SUMF1: variants seen among roughly 807,000 people sequenced by gnomAD.
SUMF1 encodes the protein formylglycine-generating enzyme.
A neutral mutation model predicts 47.6 loss-of-function variants in SUMF1; 48 were observed. The ratio of observed to expected loss-of-function variants is 1.01; its 90% CI spans 0.80 to 1.28. The LOEUF (loss-of-function observed/expected upper bound fraction) is 1.28, where lower values mean the gene tolerates loss of function less well. Among genes scored for constraint, SUMF1 ranks in the 50% most tolerant of loss-of-function variants. The probability of loss-of-function intolerance (pLI) is 0.00; values close to 1 mark genes in which losing one functional copy is unlikely to be tolerated. For missense variants in SUMF1, 571 were observed against 485.4 expected, an observed-to-expected ratio of 1.18 and a Z score of -1.66; for synonymous variants, 230 against 192.1, an observed-to-expected ratio of 1.20 and a Z score of -1.63.
At chr3:4,169,679 G>A (rs778735974) in intron 8 of SUMF1, among the ~76,000 whole-genome samples, 10 of 152,112 alleles carry the variant, frequency 6.6e-5, no homozygotes, top group Non-Finnish European at 1.0e-4. Flanking sequence ...CCAATACCCC[G>A]TTTGGGGCTG....
intron 8 of SUMF1, among the ~76,000 whole-genome samples, chr3:4,221,573 C>T (rs1283707944): frequency 6.6e-6 from 1 of 152,066 alleles, no homozygotes; most frequent in Non-Finnish European, 1.5e-5. Flanking sequence ...TTATCATCAT[C>T]TAATTCAAGA....
intron 7 of SUMF1, among the ~76,000 whole-genome samples, chr3:4,393,995 A>T (rs530513362): frequency 2.0e-5 from 3 of 152,322 alleles, no homozygotes; most frequent in Admixed American, 1.3e-4. Context: ...CAACAAGCCA[A>T]TTACAGAAAA....
chr3:4,134,334 A>G (rs556994546), intron 8 of SUMF1, among the ~76,000 whole-genome samples: 1 of 152,286 alleles, frequency 6.6e-6, no homozygotes, highest in South Asian at 2.1e-4. Context: ...CCACTCAACT[A>G]CATGGAAAAC....
At chr3:4,386,189 A>G (rs1700668265) in intron 7 of SUMF1, among the ~76,000 whole-genome samples, 1 of 152,176 alleles carries the variant, frequency 6.6e-6, no homozygotes, top group Non-Finnish European at 1.5e-5. Context: ...TTTGATAGGA[A>G]TTACATTAAA....
chr3:4,105,777 A>G (rs182791749), intron 8 of SUMF1, among the ~76,000 whole-genome samples: 47 of 152,230 alleles, frequency 3.1e-4, no homozygotes, highest in Admixed American at 2.7e-3. Context: ...AGAGAAATCT[A>G]TATCATAAAT....
intron 8 of SUMF1, among the ~76,000 whole-genome samples, chr3:4,275,484 GA>G (rs773013274): frequency 5.5e-4 from 83 of 152,212 alleles, no homozygotes; most frequent in Non-Finnish European, 7.9e-4. Context: ...ATAAGACCAA[GA>G]AAACCTTTCC....
At chr3:4,282,646 A>T (rs947167251) in intron 8 of SUMF1, among the ~76,000 whole-genome samples, 1 of 152,238 alleles carries the variant, frequency 6.6e-6, no homozygotes, top group Non-Finnish European at 1.5e-5. Context: ...GCAAGAGTGG[A>T]AAGTGGGAGA....
intron 9 of SUMF1, among the ~76,000 whole-genome samples, chr3:4,035,139 G>A (rs568211748): frequency 1.3e-5 from 2 of 152,262 alleles, no homozygotes; most frequent in East Asian, 3.9e-4. Context: ...AATGGTATGA[G>A]TTAGTCTATG....
At chr3:4,072,410 CA>C (rs970892434) in intron 8 of SUMF1, among the ~76,000 whole-genome samples, 3 of 152,018 alleles carry the variant, frequency 2.0e-5, no homozygotes, top group African/African-American at 7.3e-5. Context: ...TTCCAAAAAC[CA>C]AAACGCCCCT....
intron 8 of SUMF1, among the ~76,000 whole-genome samples, chr3:4,124,806 CA>C (rs35086208): frequency 0.69 from 103,108 of 149,660 alleles, 35,540 homozygotes; most frequent in Admixed American, 0.75. Context: ...TATCTAATAT[CA>C]AAAAAAAAAA....
At chr3:4,390,228 T>C (rs1288054726) in intron 7 of SUMF1, among the ~76,000 whole-genome samples, 5 of 152,070 alleles carry the variant, frequency 3.3e-5, no homozygotes, top group African/African-American at 7.2e-5. Context: ...TCATTACTAC[T>C]AGATGTGGGT....
intron 8 of SUMF1, among the ~76,000 whole-genome samples, chr3:4,374,143 T>G (rs1052347347): frequency 1.3e-5 from 2 of 152,218 alleles, no homozygotes; most frequent in Non-Finnish European, 2.9e-5. Flanking sequence ...GAAGGTCTAC[T>G]CTTACCATTC....
At chr3:4,066,837 G>A (rs1319740890) in intron 9 of SUMF1, among the ~76,000 whole-genome samples, 3 of 152,132 alleles carry the variant, frequency 2.0e-5, no homozygotes, top group East Asian at 3.8e-4. Context: ...TTCCATAACA[G>A]TTCCTGTGGC....
intron 8 of SUMF1, among the ~76,000 whole-genome samples, chr3:4,340,543 T>C (rs1176335193): frequency 1.3e-5 from 2 of 152,132 alleles, no homozygotes; most frequent in Non-Finnish European, 2.9e-5. Context: ...TGACTTGCGA[T>C]GGGGGTGCAA....
intron 8 of SUMF1, among the ~76,000 whole-genome samples, chr3:4,350,260 G>T (rs1464299839): frequency 6.6e-6 from 1 of 151,852 alleles, no homozygotes; most frequent in African/African-American, 2.4e-5. Flanking sequence ...CTGACCTCGT[G>T]ATCTGCCCAC....
At chr3:4,368,558 C>A (rs981564351) in intron 8 of SUMF1, among the ~76,000 whole-genome samples, 1 of 152,072 alleles carries the variant, frequency 6.6e-6, no homozygotes, top group African/African-American at 2.4e-5. Flanking sequence ...TGCGGCACTA[C>A]TCACAATAGC....
chr3:4,201,778 T>A (rs932233123), intron 8 of SUMF1, among the ~76,000 whole-genome samples: 1 of 152,052 alleles, frequency 6.6e-6, no homozygotes, highest in African/African-American at 2.4e-5. Flanking sequence ...AGGGTTCCCT[T>A]TTCTCCACAT....
intron 9 of SUMF1, among the ~76,000 whole-genome samples, chr3:4,051,449 C>A (rs764533429): frequency 6.6e-6 from 1 of 152,102 alleles, no homozygotes; most frequent in Non-Finnish European, 1.5e-5. Flanking sequence ...CTCAAGTGTG[C>A]GATCCAAGGA....
At chr3:4,101,401 G>C (rs547928294) in intron 8 of SUMF1, among the ~76,000 whole-genome samples, 1 of 152,134 alleles carries the variant, frequency 6.6e-6, no homozygotes, top group South Asian at 2.1e-4. Context: ...CAGGCACAGA[G>C]ACAAATATGT....
Sources: allele counts gnomAD v4.1 joint callset (sites outside exome capture counted in the v4.1 genomes callset), GRCh38; gene constraint gnomAD v4.1.1; transcripts MANE v1.5; gene names NCBI Gene and HGNC (gene_info 2026-07-23, HGNC 2026-07-21).